The following RNF19B variants were observed in gnomAD, a reference collection of about 807,000 sequenced individuals.
RNF19B encodes E3 ubiquitin-protein ligase RNF19B.
Under a neutral mutation model 65.5 loss-of-function variants are expected in RNF19B, and 23 were observed. The ratio of observed to expected loss-of-function variants is 0.35; its 90% CI spans 0.25 to 0.50. The LOEUF is 0.50. Among genes scored for constraint, RNF19B ranks in the 20% least tolerant of loss-of-function variants. The pLI, the probability that RNF19B is intolerant of heterozygous loss-of-function variation, is 0.98. For missense variants in RNF19B, 794 were observed against 980.0 expected, an observed-to-expected ratio of 0.81 and a Z score of 2.53; for synonymous variants, 372 against 379.6, an observed-to-expected ratio of 0.98 and a Z score of 0.23.
intron 2 of RNF19B, among the ~76,000 whole-genome samples, chr1:32,949,235 TTAAA>T (rs1251654811): frequency 6.6e-6 from 1 of 152,188 alleles, no homozygotes. Context: ...TTAATACTAA[TTAAA>T]TGTCTTTCTG....
rs1204682843 is a variant in RNF19B, at chr1:32,949,699, G to C, written c.711C>G (p.Phe237Leu). Residue 237 changes from phenylalanine to leucine, a missense_variant, in exon 2 of 9, where the codon TTC (phenylalanine) becomes TTG (leucine). Phe to Leu is a conservative substitution (Grantham distance 22). This residue lies in a region of RNF19B where 374 missense variants were observed against 423.8 expected (regional missense o/e 0.88). Transcript: ENST00000235150. ...TCEREGCQTE[F>L]CYHCKQIWHP... Reference sequence around the variant, plus strand: ...GCCATATCTGCTTGCAGTGGTAGCAGAACTCAGTCTGGCAACCTTCCCTCT... The same window carrying C: ...GCCATATCTGCTTGCAGTGGTAGCACAACTCAGTCTGGCAACCTTCCCTCT... The C allele has an allele frequency of 6.2e-7, 1 of 1,613,760 alleles. No homozygotes were observed. Among genetic ancestry groups the C allele is most frequent in the African/African-American group, 1.3e-5 (1 of 74,830 alleles).
rs571263110 is a variant in RNF19B at position 32,939,864 on chromosome 1, C to T, written c.1611-1336G>A. Among the ~76,000 whole-genome samples the T allele has an allele frequency of 5.5e-4, 84 of 152,278 alleles. 1 individual carries two copies. In the South Asian group the frequency reaches 0.017, roughly 30 times the overall value. The stretch of plus-strand genomic sequence containing the variant: ...GCTGCAGTTTCAGCAAGTCAGTCTC[C>T]AATTATGTCTGTCTGCTTATTTACA... On this transcript the variant is annotated intron_variant, in intron 7 of 8. Transcript: ENST00000235150.
At chr1:32,941,467 G>C (rs1323884581) in intron 7 of RNF19B, among the ~76,000 whole-genome samples, 1 of 152,134 alleles carries the variant, frequency 6.6e-6, no homozygotes, top group African/African-American at 2.4e-5. Flanking sequence ...TAGAACCCAG[G>C]AGGTGGAGGC....
At chr1:32,937,422 G>A (rs929391227) in intron 8 of RNF19B, 163 bp from the exon 9 acceptor site, 8 of 1,120,196 alleles carry the variant, frequency 7.1e-6, no homozygotes, top group Admixed American at 4.1e-5. Flanking sequence ...ACACTCAAAT[G>A]AGATGGAGGC....
In RNF19B at chr1:32,946,459, A is replaced by G. The variant is rs1181422176; in HGVS notation, c.1089T>C (p.Ile363=). ...LIGAPVGISL[I]AGIAIPAMVI... ...CCATGGCAGGAATGGCAATGCCAGC[A>G]ATGAGAGAAATCCCCACTGGAGCAC... The change falls in exon 4 of 9, where the codon ATT becomes ATC. Residue 363 remains isoleucine (I), a synonymous_variant. Coordinates refer to ENST00000235150, the MANE Select transcript of RNF19B (RefSeq NM_001300826.2). 3.7e-6 allele frequency: 6 copies of G among 1,614,134 alleles called. No homozygotes were observed. Among genetic ancestry groups the G allele is most frequent in the Non-Finnish European group, 5.1e-6 (6 of 1,179,976 alleles).
intron 7 of RNF19B, among the ~76,000 whole-genome samples, chr1:32,941,606 C>T (rs1642233652): frequency 6.6e-6 from 1 of 152,100 alleles, no homozygotes; most frequent in South Asian, 2.1e-4. Flanking sequence ...AATGACAAGC[C>T]TAACGGAGAG....
chr1:32,946,784 G>C (rs192269346), intron 3 of RNF19B, among the ~76,000 whole-genome samples: 7 of 152,260 alleles, frequency 4.6e-5, no homozygotes, highest in African/African-American at 1.7e-4. Context: ...CAGGCTTCCA[G>C]ACTTGAAATT....
chr1:32,936,849 C>A lies in RNF19B; in HGVS notation c.2153G>T (p.Gly718Val). 6.3e-7 allele frequency: 1 copy of A among 1,594,036 alleles called. No individual in the cohort carries two copies. The highest frequency in any genetic ancestry group is 2.2e-5 in the East Asian group (1 of 44,552). ...AHMNLSALAE[G>V]QTVLKPEGGE... is the part of the protein sequence containing the mutation. ...ACCTTCTGGCTTCAAGACAGTTTGT[C>A]CCTCGGCTAGGGCAGAGAGGTTCAT... Residue 718 changes from glycine (G) to valine (V), a missense_variant, in exon 9 of 9, where the codon GGA becomes GTA. This residue lies in a region of RNF19B where 368 missense variants were observed against 447.3 expected (regional missense o/e 0.82). Transcript: ENST00000235150.
intron 8 of RNF19B, 83 bp from the exon 9 acceptor site, chr1:32,937,342 T>A (rs755564304): frequency 6.2e-7 from 1 of 1,601,254 alleles, no homozygotes; most frequent in Non-Finnish European, 8.5e-7. Context: ...GGTTCAGGAT[T>A]AGGAATTTCA....
At position 32,946,032 on chromosome 1, in the gene RNF19B, T is replaced by A. The variant is rs144670850; in HGVS notation, c.1146+370A>T. 1.8e-3 allele frequency among the ~76,000 whole-genome samples: 277 copies of A among 152,132 alleles called. 2 individuals carry two copies. Among genetic ancestry groups the A allele is most frequent in the African/African-American group, 6.1e-3 (252 of 41,490 alleles). On this transcript the variant is annotated intron_variant, in intron 4 of 8. Coordinates refer to ENST00000235150, the MANE Select transcript of RNF19B (RefSeq NM_001300826.2). ...GCACATGCCACCATACCCAGCTAAT[T>A]TTTCTATTTTTTTGGGTACAGATGG...
chr1:32,964,564 G>T lies in RNF19B; in HGVS notation c.122C>A (p.Ala41Asp). 1 of 1,383,696 alleles carries T rather than the reference G, an allele frequency of 7.2e-7. No homozygotes were observed. Among genetic ancestry groups the T allele is most frequent in the African/African-American group, 1.5e-5 (1 of 65,540 alleles). 85.7% of individuals were successfully genotyped at this position (1,383,696 alleles called of 1,614,324 possible). A position where few individuals can be genotyped will look rare whatever the true frequency, so the allele number is the denominator to read the frequency against. Residue 41 changes from alanine (A) to aspartate (D), a missense_variant, in exon 1 of 9, where the codon GCC (alanine) becomes GAC (aspartate). Around this residue, in one of 3 missense-constraint regions of RNF19B, gnomAD observed 374 missense variants for 423.8 expected, o/e 0.88. Transcript: ENST00000235150. The surrounding 1 kb of genome is among the most constrained non-coding windows in gnomAD (Gnocchi z 6.5). The part of the protein sequence containing the change: ...RRLTLHSVFS[A>D]SARGRRARAK... ...CCGGGCGCGGCGGCCGCGGGCCGAGGCAGAGAAGACGCTGTGCAAGGTGAG... is the reference window on the plus strand; with the variant it reads ...CCGGGCGCGGCGGCCGCGGGCCGAGTCAGAGAAGACGCTGTGCAAGGTGAG...
At chr1:32,953,740 T>C (rs766106019) in intron 1 of RNF19B, among the ~76,000 whole-genome samples, 3 of 151,952 alleles carry the variant, frequency 2.0e-5, no homozygotes, top group Non-Finnish European at 2.9e-5. Context: ...TATTTTGCAT[T>C]AAATGGGAAA....
intron 1 of RNF19B, among the ~76,000 whole-genome samples, chr1:32,950,489 G>A (rs1028076142): frequency 3.9e-5 from 6 of 151,952 alleles, no homozygotes; most frequent in African/African-American, 1.4e-4. Context: ...TTGTTTATAC[G>A]AAGGAAGAGG....
downstream of RNF19B, among the ~76,000 whole-genome samples, chr1:32,932,564 ATGAG>A (rs1557559265): frequency 6.6e-6 from 1 of 152,200 alleles, no homozygotes; most frequent in African/African-American, 2.4e-5. Context: ...GTGAGCATAA[ATGAG>A]TATTCATTTA....
chr1:32,943,014 G>A (rs1380770389), intron 6 of RNF19B, among the ~76,000 whole-genome samples: 4 of 151,472 alleles, frequency 2.6e-5, no homozygotes, highest in Non-Finnish European at 5.9e-5. Context: ...GGTGGCGGGT[G>A]CCTGTAGTCC....
chr1:32,944,477 C>T (rs1455928430), intron 5 of RNF19B, among the ~76,000 whole-genome samples: 1 of 152,162 alleles, frequency 6.6e-6, no homozygotes, highest in Admixed American at 6.5e-5. Context: ...CTCTTCTAAT[C>T]ACTGCTGAAA....
rs1252044547 is a variant in RNF19B, at chr1:32,948,208, A to G, written c.983+14T>C. On this transcript the variant is annotated intron_variant, in intron 3 of 8. Coordinates refer to ENST00000235150, the MANE Select transcript of RNF19B (RefSeq NM_001300826.2). ...ATGAGACTACGAAAGGAATGGATGCATTTCCCATCTTACCTGAGGTAATGC... is the reference window on the plus strand; with the variant it reads ...ATGAGACTACGAAAGGAATGGATGCGTTTCCCATCTTACCTGAGGTAATGC... 6.2e-7 allele frequency: 1 copy of G among 1,613,178 alleles called. No individual in the cohort carries two copies. The highest frequency in any genetic ancestry group is 8.5e-7 in the Non-Finnish European group (1 of 1,179,482).
rs1047239850 is a variant in RNF19B at position 32,964,530 on chromosome 1, C to A, written c.156G>T (p.Pro52=). 6 of 1,075,364 alleles carry A rather than the reference C, an allele frequency of 5.6e-6. 1 individual carries two copies. In the South Asian group the frequency reaches 2.2e-4, roughly 40 times the overall value. The allele number at this position is 1,075,364 out of a possible 1,614,324, so 66.6% of individuals were successfully genotyped here. A position where few individuals can be genotyped will look rare whatever the true frequency, so the allele number is the denominator to read the frequency against. The change falls in exon 1 of 9, where the codon CCG becomes CCT. Residue 52 remains proline (P), a synonymous_variant. Transcript: ENST00000235150. This position sits in a 1 kb window ranked among gnomAD's most constrained non-coding sequence, Gnocchi z 6.5. The part of the protein sequence containing the change: ...SARGRRARAK[P]QAEPPPPAAQ... The stretch of plus-strand genomic sequence containing the variant: ...CAGCCGGGGGCGGCGGCTCGGCCTG[C>A]GGCTTGGCCCGGGCGCGGCGGCCGC...
rs1642853141 is a variant in RNF19B, at chr1:32,964,424, C to G, written c.262G>C (p.Ala88Pro). 4 of 1,202,724 alleles carry G rather than the reference C, an allele frequency of 3.3e-6. No homozygotes were observed. The highest frequency in any genetic ancestry group is 3.1e-6 in the Non-Finnish European group (3 of 971,762). The allele number at this position is 1,202,724 out of a possible 1,614,324, so 74.5% of individuals were successfully genotyped here. Residue 88 changes from alanine to proline, a missense_variant, in exon 1 of 9, where the codon GCC (alanine) becomes CCC (proline). Coordinates refer to ENST00000235150, the MANE Select transcript of RNF19B (RefSeq NM_001300826.2). The surrounding 1 kb of genome is among the most constrained non-coding windows in gnomAD (Gnocchi z 6.5). The stretch of plus-strand genomic sequence containing the variant: ...GCCGCCGCCGCGGCCTCCGCCTCGG[C>G]CTCGGCGGCCGGCTCGGCGGGCAGC... ...EALPAEPAAE[A>P]EAEAAAAAAE... is the part of the protein sequence containing the mutation.
Sources: gnomAD v4.1 joint callset for allele counts (sites outside exome capture counted in the v4.1 genomes callset) on GRCh38, gnomAD v4.1.1 for gene constraint, gnomAD v4.1.1 regional missense constraint, Gnocchi (gnomAD v3.1) non-coding constraint, MANE v1.5 for transcripts, NCBI Gene and HGNC (gene_info 2026-07-23, HGNC 2026-07-21) for gene names.